LARGE1: variants seen among roughly 807,000 people sequenced by gnomAD.
LARGE1 encodes the protein LARGE xylosyl- and glucuronyltransferase 1.
A neutral mutation model predicts 87.6 loss-of-function variants in LARGE1; 43 were observed. The observed-to-expected ratio is 0.49, with a 90% CI of 0.38 to 0.63. The LOEUF (loss-of-function observed/expected upper bound fraction) is 0.63, where lower values mean the gene tolerates loss of function less well. Ranked by LOEUF, LARGE1 falls within the 30% of genes least tolerant of loss-of-function variation. The probability of loss-of-function intolerance (pLI) is 0.00; values close to 1 mark genes in which losing one functional copy is unlikely to be tolerated. For synonymous variants in LARGE1, 434 were observed against 394.6 expected (o/e 1.10, Z -1.18); for missense variants, 802 against 1,000.2 (o/e 0.80, Z 2.67).
At chr22:33,620,221 C>T (rs2079704636) in intron 4 of LARGE1, among the ~76,000 whole-genome samples, 1 of 152,186 alleles carries the variant, frequency 6.6e-6, no homozygotes, top group South Asian at 2.1e-4. Flanking sequence ...AGGCAAATAA[C>T]CCAGCTTCAT....
intron 7 of LARGE1, among the ~76,000 whole-genome samples, chr22:33,414,083 T>C (rs1212641165): frequency 1.3e-5 from 2 of 152,150 alleles, no homozygotes; most frequent in Admixed American, 1.3e-4. Flanking sequence ...GATCATATGG[T>C]AATTCTATTT....
intron 3 of LARGE1, among the ~76,000 whole-genome samples, chr22:33,627,171 C>A (rs1285739515): frequency 6.6e-6 from 1 of 152,238 alleles, no homozygotes; most frequent in African/African-American, 2.4e-5. Context: ...TCTGTTTACG[C>A]CCTCTAAGCT....
chr22:33,625,631 G>A lies in LARGE1; in HGVS notation c.491+613C>T, dbSNP rs1173202351. On this transcript the variant is annotated intron_variant, in intron 4 of 14. Transcript: ENST00000397394. ...AACAAGAGACATTTATTTTCCCACTGTCTGTGAGGCCAGAAGTCCAAGATC... is the reference window on the plus strand; with the variant it reads ...AACAAGAGACATTTATTTTCCCACTATCTGTGAGGCCAGAAGTCCAAGATC... Among the ~76,000 whole-genome samples the A allele has an allele frequency of 3.3e-5, 5 of 152,226 alleles. No individual in the cohort carries two copies. The South Asian group carries it at 6.2e-4, about 19-fold the overall frequency.
chr22:33,256,451 C>T (rs1280231700), intron 11 of LARGE1, among the ~76,000 whole-genome samples: 1 of 152,234 alleles, frequency 6.6e-6, no homozygotes, highest in African/African-American at 2.4e-5. Flanking sequence ...GCCATTTTAA[C>T]CTTCTAGGCT....
chr22:33,635,915 C>A (rs773370571), intron 3 of LARGE1, among the ~76,000 whole-genome samples: 4 of 152,190 alleles, frequency 2.6e-5, no homozygotes, highest in Non-Finnish European at 5.9e-5. Flanking sequence ...GATGCACCAC[C>A]TGGCTTTGTA....
intron 9 of LARGE1, among the ~76,000 whole-genome samples, chr22:33,381,213 C>T (rs2065143917): frequency 6.6e-6 from 1 of 152,180 alleles, no homozygotes; most frequent in Admixed American, 6.5e-5. Context: ...ATGAACCATC[C>T]AACCAGCCTA....
chr22:33,754,224 C>T (rs1341616440), intron 2 of LARGE1, among the ~76,000 whole-genome samples: 5 of 152,176 alleles, frequency 3.3e-5, no homozygotes, highest in Non-Finnish European at 7.3e-5. Flanking sequence ...CTTTGGGATG[C>T]ATGTGTCACC....
At chr22:33,703,493 A>C (rs1347206618) in intron 2 of LARGE1, among the ~76,000 whole-genome samples, 1 of 152,234 alleles carries the variant, frequency 6.6e-6, no homozygotes, top group East Asian at 1.9e-4. Flanking sequence ...AGGACTTTGT[A>C]GGTATGATTA....
chr22:33,679,358 T>G (rs934487954), intron 2 of LARGE1, among the ~76,000 whole-genome samples: 12 of 152,194 alleles, frequency 7.9e-5, no homozygotes, highest in African/African-American at 2.9e-4. Context: ...AATAAGGCTG[T>G]TGAAGACATA....
rs1935100492 is a variant in LARGE1, at chr22:33,307,769, T to A, written c.1452-3262A>T. On this transcript the variant is annotated intron_variant, in intron 11 of 14. Coordinates refer to ENST00000397394, the MANE Select transcript of LARGE1 (RefSeq NM_133642.5). ...TCATGAATGAGATTGGTGCCCTTTT[T>A]CTTTTCTTTTTTTTTTTTGAGACAG... Among the ~76,000 whole-genome samples the A allele has an allele frequency of 3.3e-5, 5 of 151,700 alleles. No homozygotes were observed. In the South Asian group the frequency reaches 1.0e-3, roughly 32 times the overall value.
chr22:33,310,582 T>A (rs1387271084), intron 11 of LARGE1, among the ~76,000 whole-genome samples: 1 of 152,192 alleles, frequency 6.6e-6, no homozygotes, highest in Non-Finnish European at 1.5e-5. Context: ...TAATTCGTTG[T>A]GGCATTCACG....
At chr22:33,135,448 T>G in the LARGE1 span, among the ~76,000 whole-genome samples, 1 of 152,234 alleles carries the variant, frequency 6.6e-6, no homozygotes, top group Non-Finnish European at 1.5e-5. Context: ...ATTAAATACA[T>G]TTTAGATTAA....
intron 3 of LARGE1, among the ~76,000 whole-genome samples, chr22:33,644,766 A>G (rs1456734699): frequency 1.3e-5 from 2 of 152,202 alleles, no homozygotes; most frequent in African/African-American, 4.8e-5. Context: ...ATACACCAAT[A>G]ACAGACAAAC....
rs181804658 is a variant in LARGE1, at chr22:33,504,968, T to A, written c.787+59880A>T. 8.8e-4 allele frequency among the ~76,000 whole-genome samples: 134 copies of A among 152,300 alleles called. 1 individual carries two copies. Among genetic ancestry groups the A allele is most frequent in the African/African-American group, 3.1e-3 (129 of 41,566 alleles). On this transcript the variant is annotated intron_variant, in intron 6 of 14. Coordinates refer to ENST00000397394, the MANE Select transcript of LARGE1 (RefSeq NM_133642.5). ...TTTGGATACAGCAACAGGGCAAAGG[T>A]GACAACCTCCAGGTGGCAAAGGTGG... is the stretch of plus-strand genomic sequence containing the variant.
intron 6 of LARGE1, among the ~76,000 whole-genome samples, chr22:33,546,346 T>C (rs922716692): frequency 6.6e-6 from 1 of 152,184 alleles, no homozygotes; most frequent in African/African-American, 2.4e-5. Flanking sequence ...AATGGCCTAT[T>C]TGTTCCCCTT....
At chr22:33,185,710 TG>T (rs1325419073) in intron 11 of LARGE1, among the ~76,000 whole-genome samples, 2 of 152,170 alleles carry the variant, frequency 1.3e-5, no homozygotes, top group Non-Finnish European at 2.9e-5. Flanking sequence ...AATCTATAAC[TG>T]TTCTAAATAT....
intron 3 of LARGE1, among the ~76,000 whole-genome samples, chr22:33,647,962 T>C (rs1180067361): frequency 6.6e-6 from 1 of 152,176 alleles, no homozygotes; most frequent in Non-Finnish European, 1.5e-5. Context: ...TTTCACCATG[T>C]TGGCCGGGAT....
chr22:33,595,532 C>T (rs2078954961), intron 5 of LARGE1, among the ~76,000 whole-genome samples: 1 of 152,148 alleles, frequency 6.6e-6, no homozygotes, highest in Non-Finnish European at 1.5e-5. Flanking sequence ...GCATTTATTC[C>T]ACAAGCAGGT....
At position 33,650,466 on chromosome 22, in the gene LARGE1, G is replaced by A. The variant is rs59349720; in HGVS notation, c.309C>T (p.Ser103=). ...CGCTGTCTCCAGTGCCCTCCTCCAT[G>A]GAGTAGGTCTTGGAGTGGTTGCCTC... ...HRRGNHSKTY[S]MEEGTGDSEN... The change falls in exon 3 of 15, where the codon TCC becomes TCT. Residue 103 remains serine (S), a synonymous_variant. Coordinates refer to ENST00000397394, the MANE Select transcript of LARGE1 (RefSeq NM_133642.5). The A allele has an allele frequency of 3.3e-3, 5,343 of 1,614,076 alleles. 163 individuals are homozygous for A. The African/African-American group carries it at 0.064, about 19-fold the overall frequency.
Sources: gnomAD v4.1 joint callset for allele counts (sites outside exome capture counted in the v4.1 genomes callset) on GRCh38, gnomAD v4.1.1 for gene constraint, MANE v1.5 for transcripts, NCBI Gene and HGNC (gene_info 2026-07-23, HGNC 2026-07-21) for gene names.